Variants in AGAP1 observed in about 807,000 individuals in gnomAD.
The protein encoded by AGAP1 is ArfGAP with GTPase domain, ankyrin repeat and PH domain 1, also known as arf-GAP with GTPase, ANK repeat and PH domain-containing protein 1.
AGAP1 carries 29 observed loss-of-function variants against 105.3 expected under a neutral mutation model. The observed-to-expected ratio is 0.28, with a 90% CI of 0.21 to 0.38. The LOEUF (loss-of-function observed/expected upper bound fraction) is 0.38, where lower values mean the gene tolerates loss of function less well. Ranked by LOEUF, AGAP1 falls within the 10% of genes least tolerant of loss-of-function variation. AGAP1 has a pLI of 1.00. For synonymous variants in AGAP1, 509 were observed against 485.9 expected, an observed-to-expected ratio of 1.05 and a Z score of -0.63; for missense variants, 998 against 1,165.1, an observed-to-expected ratio of 0.86 and a Z score of 2.09.
At chr2:236,102,717 A>G (rs187858193) in intron 16 of AGAP1, among the ~76,000 whole-genome samples, 196 of 152,232 alleles carry the variant, frequency 1.3e-3, no homozygotes, top group African/African-American at 4.5e-3. Context: ...CAGAGACACA[A>G]TGAGACTTTG....
At chr2:236,015,979 TTTTC>T (rs1329926351) in intron 13 of AGAP1, among the ~76,000 whole-genome samples, 3 of 152,170 alleles carry the variant, frequency 2.0e-5, no homozygotes, top group Non-Finnish European at 4.4e-5. Context: ...CATCCTCTTT[TTTTC>T]TTTCTTTCAC....
chr2:235,582,451 ACAT>A lies in AGAP1; in HGVS notation c.163+87606_163+87608del, dbSNP rs1177540560. Among the ~76,000 whole-genome samples, 2 of 152,154 alleles carry A rather than the reference ACAT, an allele frequency of 1.3e-5. No homozygotes were observed. Among genetic ancestry groups the A allele is most frequent in the Non-Finnish European group, 2.9e-5 (2 of 68,038 alleles). ...TTGAGAAGCATGGGTGTCCCCTTAG[ACAT>A]CATGGGAGCTCATTGCATTGATGAA... On this transcript the variant is annotated intron_variant, in intron 1 of 17. Transcript: ENST00000304032. This position sits in a 1 kb window ranked among gnomAD's most constrained non-coding sequence, Gnocchi z 4.7.
rs1160840441 is a variant in AGAP1, at chr2:236,035,554, G to A, written c.1646-1007G>A. 6.6e-6 allele frequency among the ~76,000 whole-genome samples: 1 copy of A among 152,188 alleles called. No homozygotes were observed. Among genetic ancestry groups the A allele is most frequent in the Non-Finnish European group, 1.5e-5 (1 of 68,034 alleles). Reference sequence around the variant, plus strand: ...AGGCAGGCTCGCTTGAGCCTGGGAGGTGGAAGATATAATGAGCTGTGATTG... The same window carrying A: ...AGGCAGGCTCGCTTGAGCCTGGGAGATGGAAGATATAATGAGCTGTGATTG... On this transcript the variant is annotated intron_variant, in intron 13 of 17. Coordinates refer to ENST00000304032, the MANE Select transcript of AGAP1 (RefSeq NM_001037131.3). The surrounding 1 kb of genome is among the most constrained non-coding windows in gnomAD (Gnocchi z 4.2).
At chr2:235,999,580 A>C (rs2056004707) in intron 13 of AGAP1, among the ~76,000 whole-genome samples, 1 of 143,380 alleles carries the variant, frequency 7.0e-6, no homozygotes. Flanking sequence ...CCAATATGAT[A>C]TGGTGGTGAT....
chr2:235,668,068 C>T (rs1948187970), intron 1 of AGAP1, among the ~76,000 whole-genome samples: 1 of 151,370 alleles, frequency 6.6e-6, no homozygotes, highest in African/African-American at 2.4e-5. Flanking sequence ...AGAGGTACCA[C>T]ATCCAGAGCC....
intron 15 of AGAP1, among the ~76,000 whole-genome samples, chr2:236,047,963 A>G (rs2057773183): frequency 6.6e-6 from 1 of 152,104 alleles, no homozygotes; most frequent in Admixed American, 6.6e-5. Context: ...GTAGATGTTA[A>G]ATAAAGGACT....
chr2:235,992,584 G>A lies in AGAP1; in HGVS notation c.1645+23961G>A, dbSNP rs1467981239. On this transcript the variant is annotated intron_variant, in intron 13 of 17. Transcript: ENST00000304032. This position sits in a 1 kb window ranked among gnomAD's most constrained non-coding sequence, Gnocchi z 4.8. ...CTAAGAAAGGCTCGGGGACACTGTT[G>A]TGTTCTGATGTAAGAGATCACTTGT... is the stretch of plus-strand genomic sequence containing the variant. 2.0e-5 allele frequency among the ~76,000 whole-genome samples: 3 copies of A among 152,214 alleles called. No individual in the cohort carries two copies. The highest frequency in any genetic ancestry group is 2.9e-5 in the Non-Finnish European group (2 of 68,036).
intron 1 of AGAP1, among the ~76,000 whole-genome samples, chr2:235,702,934 G>GGTTTTTT (rs1950324299): frequency 1.1e-5 from 1 of 88,946 alleles, no homozygotes; most frequent in Non-Finnish European, 2.2e-5. Context: ...AGTTTTCTTG[G>GGTTTTTT]TTTTTTTTTT....
chr2:235,957,105 A>G lies in AGAP1; in HGVS notation c.1484-11357A>G, dbSNP rs2053984407. Among the ~76,000 whole-genome samples, 1 of 152,170 alleles carries G rather than the reference A, an allele frequency of 6.6e-6. No individual in the cohort carries two copies. Among genetic ancestry groups the G allele is most frequent in the South Asian group, 2.1e-4 (1 of 4,832 alleles). On this transcript the variant is annotated intron_variant, in intron 12 of 17. Transcript: ENST00000304032. The surrounding 1 kb of genome is among the most constrained non-coding windows in gnomAD (Gnocchi z 4.6). ...ATACCTGCAACCATCACCACAGTCA[A>G]TCTCAGAACATTTTCATCGTCTCAA...
At chr2:236,097,380 CTTTTTTTTTTTTTTTT>C (rs58882083) in intron 16 of AGAP1, among the ~76,000 whole-genome samples, 1 of 48,648 alleles carries the variant, frequency 2.1e-5, no homozygotes, top group Non-Finnish European at 3.9e-5. Flanking sequence ...TCATCCTAAT[CTTTTTTTTTTTTTTTT>C]TTTTTTTTTT....
At position 236,038,634 on chromosome 2, in the gene AGAP1, A is replaced by G. The variant is rs1551252; in HGVS notation, c.1800+1919A>G. The stretch of plus-strand genomic sequence containing the variant: ...GTGTGAGGGCATAAAACATGGAAAT[A>G]CTGTCCACAAGGAGTAGCGGGAGGC... On this transcript the variant is annotated intron_variant, in intron 14 of 17. Coordinates refer to ENST00000304032, the MANE Select transcript of AGAP1 (RefSeq NM_001037131.3). The surrounding 1 kb of genome is among the most constrained non-coding windows in gnomAD (Gnocchi z 4.5). 0.25 allele frequency among the ~76,000 whole-genome samples: 38,333 copies of G among 152,118 alleles called. 5,931 individuals carry two copies. The highest frequency in any genetic ancestry group is 0.44 in the African/African-American group (18,087 of 41,450).
intron 1 of AGAP1, among the ~76,000 whole-genome samples, chr2:235,498,599 A>G (rs527673263): frequency 6.6e-5 from 10 of 152,212 alleles, no homozygotes; most frequent in African/African-American, 2.2e-4. Flanking sequence ...TTCTTGTTCA[A>G]TAAAGCTTGT....
intron 1 of AGAP1, among the ~76,000 whole-genome samples, chr2:235,619,468 A>C (rs1433604662): frequency 7.2e-6 from 1 of 139,802 alleles, no homozygotes; most frequent in Non-Finnish European, 1.5e-5. Flanking sequence ...CTGGGATTCA[A>C]ACCTGGGGCT....
chr2:236,087,987 C>T lies in AGAP1; in HGVS notation c.2115-32205C>T, dbSNP rs769168398. Among the ~76,000 whole-genome samples, 14 of 152,134 alleles carry T rather than the reference C, an allele frequency of 9.2e-5. No individual in the cohort carries two copies. The highest frequency in any genetic ancestry group is 2.4e-4 in the African/African-American group (10 of 41,428). Reference sequence around the variant, plus strand: ...GAGACCTGCTTGGTATCCTTGGCCCCGGGGTCCAGGTTATTCAGTTTGTTG... The same window carrying T: ...GAGACCTGCTTGGTATCCTTGGCCCTGGGGTCCAGGTTATTCAGTTTGTTG... On this transcript the variant is annotated intron_variant, in intron 16 of 17. Transcript: ENST00000304032. The surrounding 1 kb of genome is among the most constrained non-coding windows in gnomAD (Gnocchi z 5.7).
chr2:235,816,742 T>G (rs1958478915), intron 9 of AGAP1, among the ~76,000 whole-genome samples: 1 of 151,790 alleles, frequency 6.6e-6, no homozygotes, highest in African/African-American at 2.4e-5. Context: ...AATACAAAAA[T>G]TAGCTACACA....
intron 1 of AGAP1, among the ~76,000 whole-genome samples, chr2:235,546,042 T>C (rs4663608): frequency 0.86 from 131,348 of 152,290 alleles, 57,107 homozygotes; most frequent in East Asian, 0.99. Flanking sequence ...GAGTTAGGTT[T>C]CATCTGTGCC....
chr2:235,950,344 C>T (rs527562874), intron 12 of AGAP1, among the ~76,000 whole-genome samples: 73 of 151,698 alleles, frequency 4.8e-4, no homozygotes, highest in Middle Eastern at 3.4e-3. Flanking sequence ...GCCAGCCAGA[C>T]CTGGCCATGG....
At chr2:235,800,259 T>C (rs1957433288) in intron 8 of AGAP1, among the ~76,000 whole-genome samples, 1 of 151,308 alleles carries the variant, frequency 6.6e-6, no homozygotes, top group African/African-American at 2.4e-5. Flanking sequence ...CCACTACGTG[T>C]GGCTAATTTT....
At chr2:235,702,255 C>T (rs772475251) in intron 1 of AGAP1, among the ~76,000 whole-genome samples, 27 of 152,160 alleles carry the variant, frequency 1.8e-4, no homozygotes, top group Admixed American at 5.9e-4. Flanking sequence ...GTCCATAGCT[C>T]TGCTGGGGAA....
Sources: gnomAD v4.1 joint callset for allele counts (sites outside exome capture counted in the v4.1 genomes callset) on GRCh38, gnomAD v4.1.1 for gene constraint, Gnocchi (gnomAD v3.1) non-coding constraint, MANE v1.5 for transcripts, NCBI Gene and HGNC (gene_info 2026-07-23, HGNC 2026-07-21) for gene names.